Variants in CHST11 observed in about 807,000 individuals in gnomAD.
CHST11 encodes carbohydrate sulfotransferase 11, also known as C4S-1.
A neutral mutation model predicts 30.4 loss-of-function variants in CHST11; 9 were observed. That is an observed-to-expected ratio of 0.30 (90% CI 0.18 to 0.52). The LOEUF (loss-of-function observed/expected upper bound fraction) is 0.52. CHST11 is among the 20% of genes least tolerant of loss of function. The pLI, the probability that CHST11 is intolerant of heterozygous loss-of-function variation, is 0.97. For missense variants in CHST11, 348 were observed against 460.6 expected (o/e 0.76, Z 2.24); for synonymous variants, 152 against 187.8 (o/e 0.81, Z 1.56).
intron 2 of CHST11, among the ~76,000 whole-genome samples, chr12:104,634,948 G>A (rs1388116219): frequency 6.6e-6 from 1 of 152,184 alleles, no homozygotes; most frequent in African/African-American, 2.4e-5. Context: ...GAAGGAGGGA[G>A]GAAGGGAGGG....
intron 1 of CHST11, among the ~76,000 whole-genome samples, chr12:104,497,611 GT>G (rs776651023): frequency 6.6e-6 from 1 of 152,154 alleles, no homozygotes; most frequent in Non-Finnish European, 1.5e-5. Context: ...TCTCTACACT[GT>G]TTCCTTGGTG....
chr12:104,540,562 C>T (rs1195795932), intron 1 of CHST11, among the ~76,000 whole-genome samples: 1 of 152,172 alleles, frequency 6.6e-6, no homozygotes, highest in African/African-American at 2.4e-5. Flanking sequence ...AGGGCACATC[C>T]CCAGTGACCT....
chr12:104,742,628 G>A (rs1270298462), intron 2 of CHST11, among the ~76,000 whole-genome samples: 4 of 152,126 alleles, frequency 2.6e-5, no homozygotes, highest in South Asian at 4.1e-4. Flanking sequence ...GCCCCCCTCC[G>A]GCACCCTGCC....
At chr12:104,712,496 A>G (rs1309671514) in intron 2 of CHST11, among the ~76,000 whole-genome samples, 2 of 152,192 alleles carry the variant, frequency 1.3e-5, no homozygotes, top group Non-Finnish European at 2.9e-5. Flanking sequence ...CAGCTAGAAG[A>G]TGGTGGAGCC....
At position 104,637,179 on chromosome 12, in the gene CHST11, C is replaced by G. The variant is rs2039330625; in HGVS notation, c.204+35188C>G. On this transcript the variant is annotated intron_variant, in intron 2 of 2. Coordinates refer to ENST00000303694, the MANE Select transcript of CHST11 (RefSeq NM_018413.6). ...AATGAGCTGGGTGTGGTGGCACGCA[C>G]TTGTAGTCCCAGCTACTTAGGAGGC... 2.0e-5 allele frequency among the ~76,000 whole-genome samples: 3 copies of G among 151,318 alleles called. No homozygotes were observed. The South Asian group carries it at 6.3e-4, about 32-fold the overall frequency.
At chr12:104,655,885 A>G (rs1422729241) in intron 2 of CHST11, among the ~76,000 whole-genome samples, 1 of 152,172 alleles carries the variant, frequency 6.6e-6, no homozygotes, top group Admixed American at 6.5e-5. Context: ...GCAAGAAGTC[A>G]AAGTTGGAGT....
At chr12:104,514,375 C>A in intron 1 of CHST11, 1 of 943,664 alleles carries the variant, frequency 1.1e-6, no homozygotes, top group Non-Finnish European at 1.7e-6. Flanking sequence ...CTGGGCTTTG[C>A]CCTGTCTGAG....
Position 104,466,936 on chromosome 12 carries a change from A to C in CHST11, c.118+9407A>C, listed in dbSNP as rs576067677. On this transcript the variant is annotated intron_variant, in intron 1 of 2. Transcript: ENST00000303694. Reference sequence around the variant, plus strand: ...ACCTTGTAATGTTGTCCACAAAGATACAATGGAGAGCTAGTACTCAAGAGG... The same window carrying C: ...ACCTTGTAATGTTGTCCACAAAGATCCAATGGAGAGCTAGTACTCAAGAGG... Among the ~76,000 whole-genome samples, 433 of 152,358 alleles carry C rather than the reference A, an allele frequency of 2.8e-3. 2 individuals carry two copies. Among genetic ancestry groups the C allele is most frequent in the African/African-American group, 9.9e-3 (412 of 41,580 alleles).
At chr12:104,535,424 G>A (rs1367908168) in intron 1 of CHST11, among the ~76,000 whole-genome samples, 1 of 152,108 alleles carries the variant, frequency 6.6e-6, no homozygotes, top group African/African-American at 2.4e-5. Context: ...AGAATAATCT[G>A]GTCTTAATGT....
At chr12:104,627,858 G>A (rs1003191258) in intron 2 of CHST11, among the ~76,000 whole-genome samples, 9 of 152,200 alleles carry the variant, frequency 5.9e-5, no homozygotes, top group African/African-American at 1.9e-4. Flanking sequence ...ACTAGCAGCA[G>A]CAGCAGTGGC....
intron 1 of CHST11, among the ~76,000 whole-genome samples, chr12:104,518,545 A>G (rs17811302): frequency 0.16 from 24,769 of 152,154 alleles, 2,265 homozygotes; most frequent in Admixed American, 0.22. Flanking sequence ...GACCCCGGGC[A>G]GATTCACTGG....
intron 2 of CHST11, among the ~76,000 whole-genome samples, chr12:104,621,805 G>A (rs775478828): frequency 2.9e-4 from 44 of 152,200 alleles, no homozygotes; most frequent in Non-Finnish European, 5.9e-5. Context: ...TTGTTACAGC[G>A]GCAATAGAAA....
intron 2 of CHST11, among the ~76,000 whole-genome samples, chr12:104,615,272 G>C (rs2039098604): frequency 6.6e-6 from 1 of 152,210 alleles, no homozygotes; most frequent in Non-Finnish European, 1.5e-5. Context: ...TCTGGCAGTC[G>C]TTTTGAGTAT....
rs140926594 is a variant in CHST11, at chr12:104,750,916, G to A, written c.205-6033G>A. Among the ~76,000 whole-genome samples the A allele has an allele frequency of 1.8e-4, 28 of 152,198 alleles. No individual in the cohort carries two copies. The East Asian group carries it at 5.4e-3, about 29-fold the overall frequency. Reference sequence around the variant, plus strand: ...AAAAACATTAATAGTAGAGGCCCAGGTGAATTTCTCTCTTGGATTTGAGAA... The same window carrying A: ...AAAAACATTAATAGTAGAGGCCCAGATGAATTTCTCTCTTGGATTTGAGAA... On this transcript the variant is annotated intron_variant, in intron 2 of 2. Transcript: ENST00000303694.
chr12:104,755,908 G>A (rs1397940873), intron 2 of CHST11, among the ~76,000 whole-genome samples: 1 of 68,040 alleles, frequency 1.5e-5, no homozygotes, highest in Non-Finnish European at 2.8e-5. Context: ...TTGGTTTCTC[G>A]GGACCCCCCC....
In CHST11 at chr12:104,692,220, G is replaced by A. The variant is rs571203927; in HGVS notation, c.205-64729G>A. ...AACCTCGGTCCGCAGTCCTCAGAGC[G>A]TGCAGCCCACGAGCACAGCTGCTCC... On this transcript the variant is annotated intron_variant, in intron 2 of 2. Coordinates refer to ENST00000303694, the MANE Select transcript of CHST11 (RefSeq NM_018413.6). 5.3e-5 allele frequency among the ~76,000 whole-genome samples: 8 copies of A among 152,238 alleles called. No homozygotes were observed. In the East Asian group the frequency reaches 5.8e-4, roughly 11 times the overall value.
chr12:104,618,474 G>C (rs1042969735), intron 2 of CHST11, among the ~76,000 whole-genome samples: 2 of 150,932 alleles, frequency 1.3e-5, no homozygotes, highest in Admixed American at 1.3e-4. Flanking sequence ...GGGTCAAGTA[G>C]TTCTCCTGCG....
chr12:104,489,186 G>A (rs1186402002), intron 1 of CHST11, among the ~76,000 whole-genome samples: 1 of 151,544 alleles, frequency 6.6e-6, no homozygotes, highest in Non-Finnish European at 1.5e-5. Flanking sequence ...ACAGGCGTCC[G>A]CCACCATTCC....
In CHST11 at chr12:104,527,708, A is replaced by G. The variant is rs981732328; in HGVS notation, c.118+70179A>G. Among the ~76,000 whole-genome samples, 51 of 152,370 alleles carry G rather than the reference A, an allele frequency of 3.3e-4. 1 individual carries two copies. The highest frequency in any genetic ancestry group is 3.4e-3 in the Middle Eastern group (1 of 294). On this transcript the variant is annotated intron_variant, in intron 1 of 2. Transcript: ENST00000303694. The stretch of plus-strand genomic sequence containing the variant: ...GCTATGCCCAACTTAGTGCTCTATT[A>G]GAAAAGATGATGTATTAGTCTGTTT...
Sources: allele counts gnomAD v4.1 joint callset (sites outside exome capture counted in the v4.1 genomes callset), GRCh38; gene constraint gnomAD v4.1.1; transcripts MANE v1.5; gene names NCBI Gene and HGNC (gene_info 2026-07-23, HGNC 2026-07-21).